The following KALRN variants were observed in gnomAD, a reference collection of about 807,000 sequenced individuals.
KALRN encodes kalirin.
Under a neutral mutation model 353.7 loss-of-function variants are expected in KALRN, and 70 were observed. That is an observed-to-expected ratio of 0.20 (90% CI 0.16 to 0.24). The LOEUF (loss-of-function observed/expected upper bound fraction) is 0.24. KALRN is among the 10% of genes least tolerant of loss of function. KALRN has a pLI of 1.00. For synonymous variants in KALRN, 1,391 were observed against 1,434.8 expected (o/e 0.97, Z 0.69); for missense variants, 2,791 against 3,756.7 (o/e 0.74, Z 6.72).
chr3:124,171,080 G>C (rs750095978), intron 1 of KALRN, among the ~76,000 whole-genome samples: 1 of 151,894 alleles, frequency 6.6e-6, no homozygotes, highest in Non-Finnish European at 1.5e-5. Context: ...ACCTCACAAA[G>C]TGTTGGGATT....
intron 10 of KALRN, among the ~76,000 whole-genome samples, chr3:124,353,032 T>G (rs1275112157): frequency 6.6e-6 from 1 of 152,020 alleles, no homozygotes; most frequent in Admixed American, 6.6e-5. Flanking sequence ...ATAAGAGCTA[T>G]TATGAAAGAA....
rs558248839 is a variant in KALRN at position 124,659,035 on chromosome 3, A to C, written c.6124-330A>C. 1.1e-4 allele frequency among the ~76,000 whole-genome samples: 17 copies of C among 152,272 alleles called. No individual in the cohort carries two copies. The South Asian group carries it at 3.5e-3, about 32-fold the overall frequency. ...GGCTCCATAGGCTTGTGTGTCCTAG[A>C]AGAAGCCCCTTTTCCCTGCCTTTGC... On this transcript the variant is annotated intron_variant, in intron 42 of 59. Coordinates refer to ENST00000682506, the MANE Select transcript of KALRN (RefSeq NM_001388419.1).
intron 10 of KALRN, among the ~76,000 whole-genome samples, chr3:124,381,654 T>C (rs2087400409): frequency 6.6e-6 from 1 of 152,176 alleles, no homozygotes; most frequent in Non-Finnish European, 1.5e-5. Flanking sequence ...CCTGATTTTT[T>C]GCCACTCTCC....
chr3:124,246,730 A>C (rs2070330256), intron 3 of KALRN, among the ~76,000 whole-genome samples: 1 of 152,184 alleles, frequency 6.6e-6, no homozygotes, highest in South Asian at 2.1e-4. Flanking sequence ...TAGGAAGCTG[A>C]AGTGTCTGGT....
intron 2 of KALRN, among the ~76,000 whole-genome samples, chr3:124,232,481 A>C (rs1295991362): frequency 6.6e-6 from 1 of 152,144 alleles, no homozygotes; most frequent in Non-Finnish European, 1.5e-5. Context: ...CTTGGAGTTC[A>C]ACAGCCTGCC....
intron 1 of KALRN, among the ~76,000 whole-genome samples, chr3:124,141,209 A>G (rs924391715): frequency 2.6e-5 from 4 of 151,960 alleles, no homozygotes; most frequent in Non-Finnish European, 1.5e-5. Flanking sequence ...GGCTTTCTGA[A>G]CCCTGCAGGT....
intron 57 of KALRN, among the ~76,000 whole-genome samples, chr3:124,709,708 A>G (rs556982417): frequency 3.0e-4 from 45 of 152,366 alleles, no homozygotes; most frequent in Middle Eastern, 3.4e-3. Flanking sequence ...TTCCAATTTG[A>G]AAAACAGAAA....
chr3:124,664,334 AGT>A (rs750940277), intron 45 of KALRN, among the ~76,000 whole-genome samples: 20,123 of 126,592 alleles, frequency 0.16, 1,721 homozygotes, highest in South Asian at 0.32. Context: ...TGTACATGTG[AGT>A]GTGTGTGTGT....
intron 1 of KALRN, among the ~76,000 whole-genome samples, chr3:124,065,909 T>A (rs2042317696): frequency 6.6e-6 from 1 of 152,184 alleles, no homozygotes; most frequent in African/African-American, 2.4e-5. Context: ...AGACTGGGGC[T>A]GAGAGAGAAC....
At chr3:124,561,408 A>C (rs1163893706) in intron 33 of KALRN, among the ~76,000 whole-genome samples, 1 of 152,196 alleles carries the variant, frequency 6.6e-6, no homozygotes. Context: ...GTGGTGATGC[A>C]TATTGCCAAC....
chr3:124,337,374 A>G (rs139423779), intron 9 of KALRN, among the ~76,000 whole-genome samples: 2,236 of 152,304 alleles, frequency 0.015, 50 homozygotes, highest in African/African-American at 0.051. Flanking sequence ...ATTTTATCAA[A>G]GGCCTTTTCT....
chr3:124,050,447 C>T (rs573224877), intron 1 of KALRN, among the ~76,000 whole-genome samples: 23 of 152,300 alleles, frequency 1.5e-4, no homozygotes, highest in African/African-American at 5.5e-4. Flanking sequence ...TCACCACCAT[C>T]CTCTCCCCTC....
intron 25 of KALRN, among the ~76,000 whole-genome samples, chr3:124,463,846 C>T (rs34541981): frequency 0.074 from 11,188 of 152,176 alleles, 547 homozygotes; most frequent in Non-Finnish European, 0.11. Context: ...TTAAAGAGAA[C>T]ATAATATATG....
Position 124,152,337 on chromosome 3 carries a change from A to G in KALRN, c.74-75653A>G. The G allele has an allele frequency of 8.1e-6, 10 of 1,230,920 alleles. No homozygotes were observed. The South Asian group carries it at 1.2e-4, about 15-fold the overall frequency. 76.2% of individuals were successfully genotyped at this position (1,230,920 alleles called of 1,614,324 possible). A position where few individuals can be genotyped will look rare whatever the true frequency, so the allele number is the denominator to read the frequency against. On this transcript the variant is annotated intron_variant, in intron 1 of 59. Transcript: ENST00000682506. ...TCTTGTTAAGCTTCACAAAGGTTCC[A>G]TTGAAGATTTGACGAAGGCGAAGAA...
At chr3:124,237,047 A>C (rs569145190) in intron 3 of KALRN, among the ~76,000 whole-genome samples, 70 of 152,304 alleles carry the variant, frequency 4.6e-4, no homozygotes, top group South Asian at 1.2e-3. Context: ...GTCACTTCCT[A>C]ATTCTCTTGG....
At chr3:124,354,614 T>A (rs1480106518) in intron 10 of KALRN, among the ~76,000 whole-genome samples, 5 of 152,158 alleles carry the variant, frequency 3.3e-5, no homozygotes, top group Non-Finnish European at 5.9e-5. Flanking sequence ...TTTCAAAAAA[T>A]ACCAAGAATA....
Position 124,679,808 on chromosome 3 carries a change from T to C in KALRN, c.7377+291T>C, listed in dbSNP as rs375950602. 522 of 461,258 alleles carry C rather than the reference T, an allele frequency of 1.1e-3. 7 individuals are homozygous for C. Among genetic ancestry groups the C allele is most frequent in the South Asian group, 0.011 (503 of 46,272 alleles). 28.6% of individuals were successfully genotyped at this position (461,258 alleles called of 1,614,324 possible). On this transcript the variant is annotated intron_variant, in intron 51 of 59. Transcript: ENST00000682506. The stretch of plus-strand genomic sequence containing the variant: ...GACTTTATGTAGAAAATATCCAATT[T>C]CATTATTTGAAACTTAGAACACATT...
intron 1 of KALRN, among the ~76,000 whole-genome samples, chr3:124,040,035 C>T (rs1014065008): frequency 1.3e-5 from 2 of 152,148 alleles, no homozygotes; most frequent in African/African-American, 4.8e-5. Flanking sequence ...TCAGTGACAT[C>T]CAGGTCCACC....
At chr3:124,397,842 T>A (rs981898080) in intron 12 of KALRN, among the ~76,000 whole-genome samples, 1 of 152,234 alleles carries the variant, frequency 6.6e-6, no homozygotes, top group Non-Finnish European at 1.5e-5. Flanking sequence ...TTGTTGGTTG[T>A]CCCAGCTTCT....
Sources: allele counts gnomAD v4.1 joint callset (sites outside exome capture counted in the v4.1 genomes callset), GRCh38; gene constraint gnomAD v4.1.1; transcripts MANE v1.5; gene names NCBI Gene and HGNC (gene_info 2026-07-23, HGNC 2026-07-21).